Variants in ALDH9A1 observed in about 807,000 individuals in gnomAD.
The protein encoded by ALDH9A1 is 4-trimethylaminobutyraldehyde dehydrogenase.
Under a neutral mutation model 56.6 loss-of-function variants are expected in ALDH9A1, and 42 were observed. The ratio of observed to expected loss-of-function variants is 0.74; its 90% CI spans 0.58 to 0.96. The LOEUF is 0.96. Ranked by LOEUF, ALDH9A1 falls within the 40% of genes least tolerant of loss-of-function variation. The pLI is 0.00. For synonymous variants in ALDH9A1, 242 were observed against 236.0 expected, an observed-to-expected ratio of 1.03 and a Z score of -0.23; for missense variants, 661 against 651.5, an observed-to-expected ratio of 1.01 and a Z score of -0.16.
At position 165,669,056 on chromosome 1, in the gene ALDH9A1, C is replaced by T. The variant is rs369653786; in HGVS notation, c.1120-43G>A. 1.8e-4 allele frequency: 276 copies of T among 1,494,826 alleles called. No individual in the cohort carries two copies. The Middle Eastern group carries it at 4.6e-3, about 25-fold the overall frequency. 92.6% of individuals were successfully genotyped at this position (1,494,826 alleles called of 1,614,324 possible). On this transcript the variant is annotated intron_variant, in intron 7 of 10. Coordinates refer to ENST00000354775, the MANE Select transcript of ALDH9A1 (RefSeq NM_000696.4). ...AGATATGTTGTATTAAAAATATAAC[C>T]CCAAAATGCATTCCTGAAATGTTAA... is the stretch of plus-strand genomic sequence containing the variant.
chr1:165,682,506 A>G (rs1649583963), intron 3 of ALDH9A1, among the ~76,000 whole-genome samples: 1 of 152,204 alleles, frequency 6.6e-6, no homozygotes, highest in Non-Finnish European at 1.5e-5. Context: ...GAATTTACTG[A>G]GCCTCTATTA....
intron 10 of ALDH9A1, among the ~76,000 whole-genome samples, chr1:165,664,514 G>A (rs1648944738): frequency 6.6e-6 from 1 of 152,140 alleles, no homozygotes; most frequent in African/African-American, 2.4e-5. Context: ...ATGCCATCAA[G>A]GGTAATGAAA....
chr1:165,676,622 A>G, intron 6 of ALDH9A1: 1 of 327,944 alleles, frequency 3.0e-6, no homozygotes. Context: ...TAGCTTCTGA[A>G]ATGCATGAAA....
chr1:165,666,396 T>C (rs1228223483), intron 9 of ALDH9A1, among the ~76,000 whole-genome samples: 1 of 152,164 alleles, frequency 6.6e-6, no homozygotes, highest in Non-Finnish European at 1.5e-5. Flanking sequence ...GGGTGAATTG[T>C]ACAGTATGTG....
chr1:165,684,796 G>A (rs181302576), intron 2 of ALDH9A1, among the ~76,000 whole-genome samples: 58 of 152,286 alleles, frequency 3.8e-4, no homozygotes, highest in Non-Finnish European at 7.1e-4. Flanking sequence ...AGTAATCTGT[G>A]ATTCTATCGC....
At chr1:165,667,267 C>A (rs906012206) in intron 9 of ALDH9A1, 42 bp downstream of exon 9, 1 of 1,612,182 alleles carries the variant, frequency 6.2e-7, no homozygotes, top group East Asian at 2.2e-5. Flanking sequence ...ATACTGCAGC[C>A]CCGCTCCTTC....
intron 2 of ALDH9A1, among the ~76,000 whole-genome samples, chr1:165,686,233 G>A (rs1276790958): frequency 6.6e-6 from 1 of 152,158 alleles, no homozygotes; most frequent in Non-Finnish European, 1.5e-5. Context: ...AACCAATGAG[G>A]TGAGCCCTAC....
At chr1:165,663,580 C>G (rs2101731812) in intron 10 of ALDH9A1, among the ~76,000 whole-genome samples, 1 of 152,334 alleles carries the variant, frequency 6.6e-6, no homozygotes, top group Non-Finnish European at 1.5e-5. Flanking sequence ...TTAACCTACC[C>G]ACTCATGTTG....
At chr1:165,669,572 T>A in intron 6 of ALDH9A1, 122 bp from the exon 7 acceptor site, 1 of 911,582 alleles carries the variant, frequency 1.1e-6, no homozygotes, top group Non-Finnish European at 1.6e-6. Context: ...TTTAAAAGGA[T>A]ATTTCCATTT....
chr1:165,679,616 A>G (rs1397227288), intron 5 of ALDH9A1, 34 bp from the exon 6 acceptor site: 1 of 1,613,082 alleles, frequency 6.2e-7, no homozygotes, highest in Non-Finnish European at 8.5e-7. Context: ...TCAGAACTTT[A>G]ACACAAATTA....
intron 8 of ALDH9A1, 96 bp from the exon 9 acceptor site, chr1:165,667,546 G>C: frequency 7.3e-7 from 1 of 1,376,708 alleles, no homozygotes; most frequent in Non-Finnish European, 9.9e-7. Flanking sequence ...TCACTATGTT[G>C]CCCAGTCTGG....
chr1:165,679,478 C>A lies in ALDH9A1; in HGVS notation c.894G>T (p.Lys298Asn), dbSNP rs749815056. ...FSDCDMNNAV[K>N]GALMANFLTQ... ...TGAGGAAGTTGGCCATCAGCGCCCC[C>A]TTTACAGCATTGTTCATATCACAGT... is the stretch of plus-strand genomic sequence containing the variant. The change falls in exon 6 of 11, where the codon AAG becomes AAT. Residue 298 changes from lysine (K) to asparagine (N), a missense_variant. Lys to Asn is a moderately conservative substitution (Grantham distance 94, BLOSUM62 0). Transcript: ENST00000354775. 1 of 1,614,158 alleles carries A rather than the reference C, an allele frequency of 6.2e-7. No individual in the cohort carries two copies. Among genetic ancestry groups the A allele is most frequent in the Non-Finnish European group, 8.5e-7 (1 of 1,180,024 alleles).
At position 165,680,645 on chromosome 1, in the gene ALDH9A1, C is replaced by A. The variant is rs1197447003; in HGVS notation, c.631G>T (p.Val211Phe). The A allele has an allele frequency of 6.2e-7, 1 of 1,613,812 alleles. No homozygotes were observed. The highest frequency in any genetic ancestry group is 8.5e-7 in the Non-Finnish European group (1 of 1,179,952). Residue 211 changes from valine to phenylalanine, a missense_variant, in exon 5 of 11, where the codon GTT (valine) becomes TTT (phenylalanine). Physicochemically the swap from Val to Phe is conservative, Grantham distance 50. Coordinates refer to ENST00000354775, the MANE Select transcript of ALDH9A1 (RefSeq NM_000696.4). ...MVFKPSPFTP[V>F]SALLLAEIYS... The stretch of plus-strand genomic sequence containing the variant: ...ATTTCAGCCAGTAGCAATGCAGAAA[C>A]AGGTGTAAAGGGAGAAGGTTTAAAG...
chr1:165,663,024 A>G lies in ALDH9A1; in HGVS notation c.*26T>C. 5 of 1,594,982 alleles carry G rather than the reference A, an allele frequency of 3.1e-6. No homozygotes were observed. The highest frequency in any genetic ancestry group is 4.3e-6 in the Non-Finnish European group (5 of 1,162,616). On this transcript the variant is annotated 3_prime_UTR_variant, in exon 11 of 11. Coordinates refer to ENST00000354775, the MANE Select transcript of ALDH9A1 (RefSeq NM_000696.4). ...ATTCACATCATTCCACAGCGTGGCC[A>G]TGTCAATAGGTTTCACTGCAGGTTT...
At position 165,665,148 on chromosome 1, in the gene ALDH9A1, A is replaced by C. The variant is rs1489722417; in HGVS notation, c.1350-18T>G. On this transcript the variant is annotated intron_variant, in intron 9 of 10. Coordinates refer to ENST00000354775, the MANE Select transcript of ALDH9A1 (RefSeq NM_000696.4). ...GGATGTCCCTATGAAGAAAAAAAAAATGTGTGCATTATTGAGAGTTTCTTA... is the reference window on the plus strand; with the variant it reads ...GGATGTCCCTATGAAGAAAAAAAAACTGTGTGCATTATTGAGAGTTTCTTA... 1 of 1,596,416 alleles carries C rather than the reference A, an allele frequency of 6.3e-7. No homozygotes were observed. The highest frequency in any genetic ancestry group is 1.1e-5 in the South Asian group (1 of 90,542).
chr1:165,671,335 G>T, intron 6 of ALDH9A1: 1 of 399,200 alleles, frequency 2.5e-6, no homozygotes, highest in South Asian at 1.9e-5. Context: ...ACTGAAGTGG[G>T]GTTGCTGAAG....
rs114485609 is a variant in ALDH9A1, at chr1:165,679,228, C to T, written c.930+214G>A. Among the ~76,000 whole-genome samples, 461 of 152,236 alleles carry T rather than the reference C, an allele frequency of 3.0e-3. 2 individuals are homozygous for T. The highest frequency in any genetic ancestry group is 0.011 in the African/African-American group (447 of 41,530). ...GGTTCAGAAAAACTTAATATGCCTA[C>T]GTATGTACAGGCAGATAAAGAAGAT... On this transcript the variant is annotated intron_variant, in intron 6 of 10. Coordinates refer to ENST00000354775, the MANE Select transcript of ALDH9A1 (RefSeq NM_000696.4).
At position 165,667,382 on chromosome 1, in the gene ALDH9A1, A is replaced by C. The variant is rs1649040200; in HGVS notation, c.1276T>G (p.Phe426Val). 3 of 1,614,020 alleles carry C rather than the reference A, an allele frequency of 1.9e-6. No homozygotes were observed. In the Admixed American group the frequency reaches 5.0e-5, roughly 27 times the overall value. Residue 426 changes from phenylalanine to valine, a missense_variant, in exon 9 of 11, where the codon TTT becomes GTT. Coordinates refer to ENST00000354775, the MANE Select transcript of ALDH9A1 (RefSeq NM_000696.4). The part of the protein sequence containing the change: ...IFGPVMSILS[F>V]DTEAEVLERA... Reference sequence around the variant, plus strand: ...TCTAGAACCTCAGCTTCAGTGTCAAATGATAAAATGGACATAACAGGCCCA... The same window carrying C: ...TCTAGAACCTCAGCTTCAGTGTCAACTGATAAAATGGACATAACAGGCCCA...
intron 6 of ALDH9A1, chr1:165,676,779 G>C: frequency 2.0e-6 from 1 of 489,426 alleles, no homozygotes; most frequent in Non-Finnish European, 4.0e-6. Flanking sequence ...ATGAATTCAT[G>C]GCATGATAGG....
Sources: gnomAD v4.1 joint callset for allele counts (sites outside exome capture counted in the v4.1 genomes callset) on GRCh38, gnomAD v4.1.1 for gene constraint, MANE v1.5 for transcripts, NCBI Gene and HGNC (gene_info 2026-07-23, HGNC 2026-07-21) for gene names.